Variants in ADCYAP1 observed in about 807,000 individuals in gnomAD.
ADCYAP1 encodes pituitary adenylate cyclase-activating polypeptide.
Under a neutral mutation model 18.5 loss-of-function variants are expected in ADCYAP1, and 6 were observed. The observed-to-expected ratio is 0.32, with a 90% CI of 0.18 to 0.64. ADCYAP1 has a LOEUF of 0.64. ADCYAP1 is among the 30% of genes least tolerant of loss of function. The pLI is 0.77. For synonymous variants in ADCYAP1, 136 were observed against 113.9 expected (o/e 1.19, Z -1.24); for missense variants, 314 against 253.6 (o/e 1.24, Z -1.62).
At chr18:908,441 G>T (rs1214832133) in intron 4 of ADCYAP1, 78 bp downstream of exon 4, 3 of 1,266,634 alleles carry the variant, frequency 2.4e-6, no homozygotes, top group Non-Finnish European at 3.3e-6. Flanking sequence ...GGCGGCGGTG[G>T]GTGCCCGTGG....
upstream of ADCYAP1, chr18:904,667 C>A: frequency 8.2e-7 from 1 of 1,219,844 alleles, no homozygotes. Context: ...CGCCCGCCCT[C>A]TCCCTTGCCT....
chr18:904,572 G>A, upstream of ADCYAP1: 1 of 1,288,200 alleles, frequency 7.8e-7, no homozygotes. Flanking sequence ...CAGCTTCAGA[G>A]GCAGCCGGAG....
Position 908,299 on chromosome 18 carries a change from C to A in ADCYAP1, c.277C>A (p.Arg93Ser), listed in dbSNP as rs144732014. Residue 93 changes from arginine to serine, a missense_variant, in exon 4 of 5, where the codon CGC becomes AGC. Physicochemically the swap from Arg to Ser is moderately radical, Grantham distance 110 (BLOSUM62 -1). Coordinates refer to ENST00000450565, the MANE Select transcript of ADCYAP1 (RefSeq NM_001099733.2). ...CCACGGGATCCTTAACGAGGCCTAC[C>A]GCAAAGTGCTGGACCAGCTGTCCGC... is the stretch of plus-strand genomic sequence containing the variant. ...VAHGILNEAYRKVLDQLSAGK... is the reference protein window; with the variant it reads ...VAHGILNEAYSKVLDQLSAGK... 2.8e-5 allele frequency: 45 copies of A among 1,613,052 alleles called. No homozygotes were observed. The Middle Eastern group carries it at 4.9e-4, about 18-fold the overall frequency.
chr18:908,631 C>G (rs894676974), intron 4 of ADCYAP1, among the ~76,000 whole-genome samples: 4 of 152,210 alleles, frequency 2.6e-5, no homozygotes, highest in Non-Finnish European at 4.4e-5. Context: ...AACCAAACCT[C>G]TCAGTCATCC....
chr18:904,541 C>T (rs1046645067), upstream of ADCYAP1: 3 of 1,288,940 alleles, frequency 2.3e-6, no homozygotes, highest in Non-Finnish European at 3.0e-6. Context: ...CTGTAACCAG[C>T]GGTAGCAGCA....
In ADCYAP1 at chr18:910,419, A is replaced by G. The variant is rs1489830020; in HGVS notation, c.*784A>G. ...CCTAGGAGAAGAGTTGAGGAACTGT[A>G]CAGAAAAGGGCGGCTTCGTTAGACC... On this transcript the variant is annotated 3_prime_UTR_variant, in exon 5 of 5. Transcript: ENST00000450565. 2.6e-5 allele frequency: 4 copies of G among 152,238 alleles called. No individual in the cohort carries two copies. Among genetic ancestry groups the G allele is most frequent in the Non-Finnish European group, 5.9e-5 (4 of 68,048 alleles). 9.4% of individuals were successfully genotyped at this position (152,238 alleles called of 1,614,324 possible).
At chr18:904,561 G>A (rs1050746028), upstream of ADCYAP1, 1 of 1,288,836 alleles carries the variant, frequency 7.8e-7, no homozygotes, top group South Asian at 1.2e-5. Flanking sequence ...AGCAGAAGCC[G>A]CAGCTTCAGA....
chr18:905,082 C>CAA, intron 1 of ADCYAP1, 22 bp downstream of exon 1: 1 of 1,303,780 alleles, frequency 7.7e-7, no homozygotes, highest in Non-Finnish European at 9.9e-7. Context: ...AAAATCTTAC[C>CAA]AAAGCGACCG....
chr18:905,410 G>A lies in ADCYAP1; in HGVS notation c.24G>A (p.Arg8=), dbSNP rs1303714059. 3 of 1,612,868 alleles carry A rather than the reference G, an allele frequency of 1.9e-6. No homozygotes were observed. The highest frequency in any genetic ancestry group is 1.7e-6 in the Non-Finnish European group (2 of 1,180,020). ...GAATGACCATGTGTAGCGGAGCGAG[G>A]CTGGCCCTGCTGGTCTATGGGATAA... MTMCSGA[R]LALLVYGIIM... is the part of the protein sequence containing the mutation. Residue 8 remains arginine, a synonymous_variant, in exon 2 of 5, where the codon AGG becomes AGA. Coordinates refer to ENST00000450565, the MANE Select transcript of ADCYAP1 (RefSeq NM_001099733.2).
Position 909,474 on chromosome 18 carries a change from G to T in ADCYAP1, c.370G>T (p.Asp124Tyr), listed in dbSNP as rs767662052. 3.7e-6 allele frequency: 6 copies of T among 1,612,500 alleles called. No homozygotes were observed. In the South Asian group the frequency reaches 6.6e-5, roughly 18 times the overall value. ...GGSLGGGAGD[D>Y]AEPLSKRHSD... ...GAGCCTCGGCGGCGGCGCGGGGGAC[G>T]ACGCGGAGCCGCTCTCCAAGCGCCA... The change falls in exon 5 of 5, where the codon GAC (aspartate) becomes TAC (tyrosine). Residue 124 changes from aspartate (D) to tyrosine (Y), a missense_variant. Coordinates refer to ENST00000450565, the MANE Select transcript of ADCYAP1 (RefSeq NM_001099733.2).
At chr18:904,661 C>T (rs1222836143), upstream of ADCYAP1, 6 of 1,222,832 alleles carry the variant, frequency 4.9e-6, no homozygotes, top group Non-Finnish European at 6.2e-6. Flanking sequence ...GCTAGCCGCC[C>T]GCCCTCTCCC....
rs769265867 is a variant in ADCYAP1 at position 905,428 on chromosome 18, T to C, written c.42T>C (p.Tyr14=). ...GAGCGAGGCTGGCCCTGCTGGTCTATGGGATAATCATGCACAGCAGCGTCT... is the reference window on the plus strand; with the variant it reads ...GAGCGAGGCTGGCCCTGCTGGTCTACGGGATAATCATGCACAGCAGCGTCT... ...CSGARLALLV[Y]GIIMHSSVYS... Residue 14 remains tyrosine, a synonymous_variant, in exon 2 of 5, where the codon TAT becomes TAC. Coordinates refer to ENST00000450565, the MANE Select transcript of ADCYAP1 (RefSeq NM_001099733.2). The C allele has an allele frequency of 1.7e-5, 27 of 1,612,774 alleles. No homozygotes were observed. The highest frequency in any genetic ancestry group is 2.3e-5 in the Non-Finnish European group (27 of 1,180,022).
At chr18:904,680 C>T (rs2143097379), upstream of ADCYAP1, 1 of 1,218,046 alleles carries the variant, frequency 8.2e-7, no homozygotes, top group Middle Eastern at 2.9e-4. Flanking sequence ...CCTTGCCTTC[C>T]TCCCCTTCTT....
In ADCYAP1 at chr18:907,735, A is replaced by G; in HGVS notation, c.187A>G (p.Ser63Gly). The stretch of plus-strand genomic sequence containing the variant: ...TGGCTCGGAGCCGCCGGGCGCAGGG[A>G]GCCCCGCCTCCGCGCCGCGCGCCGC... ...FDGSEPPGAGSPASAPRAAAA... is the reference protein window; with the variant it reads ...FDGSEPPGAGGPASAPRAAAA... Residue 63 changes from serine to glycine, a missense_variant, in exon 3 of 5, where the codon AGC becomes GGC. Transcript: ENST00000450565. 1 of 1,522,874 alleles carries G rather than the reference A, an allele frequency of 6.6e-7. No individual in the cohort carries two copies. The highest frequency in any genetic ancestry group is 8.8e-7 in the Non-Finnish European group (1 of 1,141,822). The allele number at this position is 1,522,874 out of a possible 1,614,324, so 94.3% of individuals were successfully genotyped here. A position where few individuals can be genotyped will look rare whatever the true frequency, so the allele number is the denominator to read the frequency against.
At chr18:908,411 T>C (rs1567854645) in intron 4 of ADCYAP1, 48 bp downstream of exon 4, 15 of 1,529,952 alleles carry the variant, frequency 9.8e-6, no homozygotes, top group Admixed American at 7.0e-5. Flanking sequence ...GGTGGGTGCC[T>C]GTGCGGGGCG....
At position 907,725 on chromosome 18, in the gene ADCYAP1, G is replaced by A. The variant is rs768069960; in HGVS notation, c.177G>A (p.Pro59=). Residue 59 remains proline (P), a synonymous_variant, in exon 3 of 5, where the codon CCG becomes CCA. Coordinates refer to ENST00000450565, the MANE Select transcript of ADCYAP1 (RefSeq NM_001099733.2). ...CAGACTTCGATGGCTCGGAGCCGCC[G>A]GGCGCAGGGAGCCCCGCCTCCGCGC... is the stretch of plus-strand genomic sequence containing the variant. ...PLPDFDGSEP[P]GAGSPASAPR... 3 of 1,533,670 alleles carry A rather than the reference G, an allele frequency of 2.0e-6. No homozygotes were observed. Among genetic ancestry groups the A allele is most frequent in the Non-Finnish European group, 8.7e-7 (1 of 1,147,056 alleles).
At chr18:908,054 C>T (rs1031936974) in intron 3 of ADCYAP1, 32 of 684,734 alleles carry the variant, frequency 4.7e-5, no homozygotes, top group Admixed American at 3.4e-4. Context: ...CCACACTCCG[C>T]ATCTGCCACT....
At chr18:905,734 G>C (rs928517311) in intron 2 of ADCYAP1, 10 of 542,068 alleles carry the variant, frequency 1.8e-5, no homozygotes, top group Non-Finnish European at 2.9e-5. Context: ...GTCCCGGGTA[G>C]AGCCAGTGAG....
intron 2 of ADCYAP1, 79 bp from the exon 3 acceptor site, chr18:907,580 G>T (rs995922776): frequency 2.8e-6 from 4 of 1,441,070 alleles, no homozygotes; most frequent in Non-Finnish European, 3.7e-6. Context: ...AAATCCGCGC[G>T]AGCCCCTTAC....
Sources: allele counts gnomAD v4.1 joint callset (sites outside exome capture counted in the v4.1 genomes callset), GRCh38; gene constraint gnomAD v4.1.1; transcripts MANE v1.5; gene names NCBI Gene and HGNC (gene_info 2026-07-23, HGNC 2026-07-21).